MAGI3: variants seen among roughly 807,000 people sequenced by gnomAD.
MAGI3 encodes the protein membrane associated guanylate kinase, WW and PDZ domain containing 3, also known as membrane-associated guanylate kinase, WW and PDZ domain-containing protein 3.
Under a neutral mutation model 121.8 loss-of-function variants are expected in MAGI3, and 43 were observed. That is an observed-to-expected ratio of 0.35 (90% CI 0.28 to 0.46). MAGI3 has a LOEUF of 0.46. MAGI3 is among the 20% of genes least tolerant of loss of function. MAGI3 has a pLI of 1.00. For synonymous variants in MAGI3, 553 were observed against 639.3 expected (o/e 0.86, Z 2.04); for missense variants, 1,547 against 1,797.3 (o/e 0.86, Z 2.52).
intron 1 of MAGI3, among the ~76,000 whole-genome samples, chr1:113,445,399 C>T (rs1654128593): frequency 6.6e-6 from 1 of 151,994 alleles, no homozygotes; most frequent in Non-Finnish European, 1.5e-5. Flanking sequence ...GCCAGGAATT[C>T]AAGGTCAGCC....
intron 1 of MAGI3, among the ~76,000 whole-genome samples, chr1:113,444,139 C>T (rs1324562437): frequency 2.0e-5 from 3 of 152,390 alleles, no homozygotes; most frequent in African/African-American, 4.8e-5. Flanking sequence ...TACCCATCCA[C>T]TACCCCAGCC....
At chr1:113,443,843 G>A (rs1017361572) in intron 1 of MAGI3, among the ~76,000 whole-genome samples, 15 of 152,092 alleles carry the variant, frequency 9.9e-5, no homozygotes, top group Admixed American at 9.2e-4. Flanking sequence ...TAAAAATTGA[G>A]GTATAATTTA....
At chr1:113,493,338 T>G (rs1430534702) in intron 1 of MAGI3, among the ~76,000 whole-genome samples, 1 of 152,178 alleles carries the variant, frequency 6.6e-6, no homozygotes, top group Admixed American at 6.5e-5. Flanking sequence ...ACTAGAGATA[T>G]GCGGAAAATT....
At chr1:113,568,671 A>G (rs1297114766) in intron 2 of MAGI3, among the ~76,000 whole-genome samples, 1 of 152,094 alleles carries the variant, frequency 6.6e-6, no homozygotes, top group Non-Finnish European at 1.5e-5. Flanking sequence ...CCATGAAAGA[A>G]GTGCTGTGGC....
intron 1 of MAGI3, among the ~76,000 whole-genome samples, chr1:113,463,929 A>G (rs1655152588): frequency 1.3e-5 from 2 of 152,152 alleles, no homozygotes; most frequent in Admixed American, 6.5e-5. Context: ...ATATATTCCT[A>G]TAACTTACAG....
intron 1 of MAGI3, among the ~76,000 whole-genome samples, chr1:113,417,812 A>G (rs1652532216): frequency 6.6e-6 from 1 of 152,152 alleles, no homozygotes; most frequent in Admixed American, 6.6e-5. Flanking sequence ...TTTGATCCCT[A>G]TCATCTAACT....
chr1:113,672,580 A>T, intron 17 of MAGI3, 35 bp from the exon 18 acceptor site: 1 of 1,583,422 alleles, frequency 6.3e-7, no homozygotes. Context: ...TCATTTTCTC[A>T]GTTCAGAGAG....
At chr1:113,492,046 C>T (rs1656693659) in intron 1 of MAGI3, among the ~76,000 whole-genome samples, 2 of 152,080 alleles carry the variant, frequency 1.3e-5, no homozygotes, top group Admixed American at 6.6e-5. Flanking sequence ...CTGACCAAAA[C>T]CTAGCAGAGA....
Position 113,619,846 on chromosome 1 carries a change from A to T in MAGI3, c.1171+16A>T, listed in dbSNP as rs1432423436. The T allele has an allele frequency of 6.4e-7, 1 of 1,551,726 alleles. No individual in the cohort carries two copies. The highest frequency in any genetic ancestry group is 1.4e-5 in the African/African-American group (1 of 73,298). On this transcript the variant is annotated intron_variant, in intron 8 of 20. Transcript: ENST00000307546. The stretch of plus-strand genomic sequence containing the variant: ...TCAAAACCAGGTAAGCATTCTTTTC[A>T]ATCTTTTCTTCTAAGAATAACTTGT...
intron 9 of MAGI3, among the ~76,000 whole-genome samples, chr1:113,623,453 T>TACACACACAC (rs796174057): frequency 0.051 from 6,403 of 125,978 alleles, 240 homozygotes; most frequent in African/African-American, 0.082. Context: ...TACACACACA[T>TACACACACAC]ACACACACAC....
chr1:113,611,017 C>G (rs1650098678), intron 6 of MAGI3, among the ~76,000 whole-genome samples: 1 of 151,854 alleles, frequency 6.6e-6, no homozygotes, highest in Non-Finnish European at 1.5e-5. Context: ...AATATATCAT[C>G]TGTCTCCTAA....
At chr1:113,632,221 T>A (rs951755495) in intron 9 of MAGI3, among the ~76,000 whole-genome samples, 2 of 152,196 alleles carry the variant, frequency 1.3e-5, no homozygotes, top group African/African-American at 4.8e-5. Flanking sequence ...TTAACAAACT[T>A]TAGAGATTAA....
intron 16 of MAGI3, among the ~76,000 whole-genome samples, chr1:113,668,809 C>G (rs796543821): frequency 6.6e-6 from 1 of 151,658 alleles, no homozygotes; most frequent in Non-Finnish European, 1.5e-5. Context: ...GTCTCGATCT[C>G]CTGACCTCAT....
intron 1 of MAGI3, among the ~76,000 whole-genome samples, chr1:113,521,748 T>A (rs573329482): frequency 6.6e-6 from 1 of 152,326 alleles, no homozygotes; most frequent in Admixed American, 6.5e-5. Context: ...GTAGTAGTCA[T>A]ATTTTGAATT....
intron 14 of MAGI3, among the ~76,000 whole-genome samples, 188 bp downstream of exon 14, chr1:113,651,394 A>C (rs1452864960): frequency 6.6e-6 from 1 of 152,186 alleles, no homozygotes; most frequent in African/African-American, 2.4e-5. Context: ...TACTACTATA[A>C]AAAAATAAAT....
chr1:113,566,703 A>C (rs1274964185), intron 2 of MAGI3, among the ~76,000 whole-genome samples: 3 of 152,150 alleles, frequency 2.0e-5, no homozygotes, highest in Non-Finnish European at 4.4e-5. Flanking sequence ...TTAAACAACC[A>C]GTGGATCATG....
chr1:113,596,603 C>A (rs1649025325), intron 6 of MAGI3, among the ~76,000 whole-genome samples: 1 of 152,060 alleles, frequency 6.6e-6, no homozygotes, highest in Non-Finnish European at 1.5e-5. Flanking sequence ...AATTCAGAAT[C>A]TATAAGAACT....
intron 1 of MAGI3, among the ~76,000 whole-genome samples, chr1:113,415,407 A>G (rs1652245823): frequency 6.6e-6 from 1 of 151,968 alleles, no homozygotes; most frequent in African/African-American, 2.4e-5. Context: ...CTAATTGGCT[A>G]TTTTCAGAGG....
chr1:113,393,279 A>G (rs1650923374), intron 1 of MAGI3, among the ~76,000 whole-genome samples: 2 of 152,220 alleles, frequency 1.3e-5, no homozygotes, highest in African/African-American at 4.8e-5. Flanking sequence ...AGCCACAGAC[A>G]CTGTTCTATT....
Sources: allele counts gnomAD v4.1 joint callset (sites outside exome capture counted in the v4.1 genomes callset), GRCh38; gene constraint gnomAD v4.1.1; transcripts MANE v1.5; gene names NCBI Gene and HGNC (gene_info 2026-07-23, HGNC 2026-07-21).